SLC7A8: variants seen among roughly 807,000 people sequenced by gnomAD.
SLC7A8 encodes the protein large neutral amino acids transporter small subunit 2.
A neutral mutation model predicts 51.2 loss-of-function variants in SLC7A8; 30 were observed. The observed-to-expected ratio is 0.59, with a 90% CI of 0.44 to 0.80. The LOEUF (loss-of-function observed/expected upper bound fraction) is 0.80, where lower values mean the gene tolerates loss of function less well. Among genes scored for constraint, SLC7A8 ranks in the 30% least tolerant of loss-of-function variants. The pLI is 0.00. For synonymous variants in SLC7A8, 257 were observed against 275.8 expected (o/e 0.93, Z 0.67); for missense variants, 612 against 674.4 (o/e 0.91, Z 1.03).
At chr14:23,181,941 C>T (rs767567215) in intron 1 of SLC7A8, among the ~76,000 whole-genome samples, 2 of 152,252 alleles carry the variant, frequency 1.3e-5, no homozygotes, top group Admixed American at 6.5e-5. Flanking sequence ...GTGGCCTGCA[C>T]TGGCACTCTT....
chr14:23,154,117 A>G, intron 3 of SLC7A8: 1 of 343,560 alleles, frequency 2.9e-6, no homozygotes, highest in Non-Finnish European at 4.1e-6. Context: ...CAGTGACGCC[A>G]CTTTGTAGAA....
At chr14:23,154,533 T>C in intron 3 of SLC7A8, 1 of 961,768 alleles carries the variant, frequency 1.0e-6, no homozygotes, top group Non-Finnish European at 1.2e-6. Context: ...TTTCTAATTG[T>C]GGAAAAGCCG....
chr14:23,167,209 G>A (rs2048954656), intron 1 of SLC7A8, among the ~76,000 whole-genome samples: 1 of 152,196 alleles, frequency 6.6e-6, no homozygotes, highest in South Asian at 2.1e-4. Flanking sequence ...TGGTTTAGAA[G>A]TGGTGTGTAG....
chr14:23,130,745 GCT>G (rs1370710779), intron 8 of SLC7A8, among the ~76,000 whole-genome samples: 3 of 152,182 alleles, frequency 2.0e-5, no homozygotes, highest in Non-Finnish European at 4.4e-5. Context: ...GCTCCCAAGA[GCT>G]CTGTTATTCT....
At position 23,143,204 on chromosome 14, in the gene SLC7A8, A is replaced by C. The variant is rs751027340; in HGVS notation, c.509T>G (p.Leu170Trp). ...GGAACAGTTGACCCATGTGAGGAGC[A>C]CTGAAATGAAAGACCCCCAAACAGA... ...GLRLLAAICL[L>W]LLTWVNCSSV... Residue 170 changes from leucine (L) to tryptophan (W), a missense_variant and splice_region_variant, in exon 4 of 11, where the codon TTG (leucine) becomes TGG (tryptophan). Transcript: ENST00000316902. The C allele has an allele frequency of 3.1e-6, 5 of 1,614,044 alleles. No homozygotes were observed. The highest frequency in any genetic ancestry group is 4.2e-6 in the Non-Finnish European group (5 of 1,180,040).
chr14:23,143,542 A>G, intron 3 of SLC7A8, among the ~76,000 whole-genome samples: 1 of 152,226 alleles, frequency 6.6e-6, no homozygotes, highest in Non-Finnish European at 1.5e-5. Flanking sequence ...TATTTGTGCA[A>G]GAGAAGCTGT....
intron 3 of SLC7A8, among the ~76,000 whole-genome samples, chr14:23,144,532 T>TG (rs1201784467): frequency 6.6e-6 from 1 of 152,048 alleles, no homozygotes; most frequent in Non-Finnish European, 1.5e-5. Flanking sequence ...ATAAGCTGGG[T>TG]GGTGTGGTCG....
At chr14:23,156,901 G>C (rs1162929426) in intron 3 of SLC7A8, among the ~76,000 whole-genome samples, 1 of 152,220 alleles carries the variant, frequency 6.6e-6, no homozygotes, top group African/African-American at 2.4e-5. Context: ...GAGCAGAAGA[G>C]ACACTATGGG....
intron 1 of SLC7A8, among the ~76,000 whole-genome samples, chr14:23,169,706 C>G (rs911775686): frequency 3.9e-5 from 6 of 152,180 alleles, no homozygotes; most frequent in African/African-American, 1.4e-4. Context: ...TGCGCCTGGC[C>G]TACCATCTCC....
In SLC7A8 at chr14:23,165,304, G is replaced by A. The variant is rs2048943663; in HGVS notation, c.489C>T (p.Leu163=). The change falls in exon 3 of 11, where the codon CTC becomes CTT. Residue 163 remains leucine, a synonymous_variant. Transcript: ENST00000316902. The surrounding 1 kb of genome is among the most constrained non-coding windows in gnomAD (Gnocchi z 4.2). The part of the protein sequence containing the change: ...TCFPPESGLR[L]LAAICLLLLT... The stretch of plus-strand genomic sequence containing the variant: ...ACTTACATAAGCAGATGGCAGCCAG[G>A]AGCCGAAGGCCAGACTCTGGGGGGA... The A allele has an allele frequency of 6.2e-7, 1 of 1,609,650 alleles. No homozygotes were observed. The highest frequency in any genetic ancestry group is 8.5e-7 in the Non-Finnish European group (1 of 1,178,034).
intron 1 of SLC7A8, among the ~76,000 whole-genome samples, chr14:23,176,937 G>C (rs1876953757): frequency 9.4e-6 from 1 of 106,712 alleles, no homozygotes; most frequent in South Asian, 2.8e-4. Context: ...GCAAGACTCT[G>C]TCTCAAAAAA....
rs1485974334 is a variant in SLC7A8 at position 23,165,322 on chromosome 14, T to TG, written c.470dup (p.Glu158ArgfsTer67). On this transcript the variant is annotated frameshift_variant, in exon 3 of 11. Coordinates refer to ENST00000316902, the MANE Select transcript of SLC7A8 (RefSeq NM_012244.4). LOFTEE classifies it high-confidence loss of function. This position sits in a 1 kb window ranked among gnomAD's most constrained non-coding sequence, Gnocchi z 4.2. ...CAGCCAGGAGCCGAAGGCCAGACTCTGGGGGGAAGCAGGTGGGGAAGAGCG... is the reference window on the plus strand; with the variant it reads ...CAGCCAGGAGCCGAAGGCCAGACTCTGGGGGGGAAGCAGGTGGGGAAGAGCG... 6.2e-7 allele frequency: 1 copy of TG among 1,608,356 alleles called. No homozygotes were observed.
intron 1 of SLC7A8, among the ~76,000 whole-genome samples, chr14:23,178,754 A>G (rs924050301): frequency 4.7e-5 from 7 of 150,250 alleles, no homozygotes; most frequent in Non-Finnish European, 1.0e-4. Flanking sequence ...TCTCTAAAAA[A>G]AATTAAAAAT....
intron 3 of SLC7A8, among the ~76,000 whole-genome samples, chr14:23,147,596 T>G (rs2140319990): frequency 6.6e-6 from 1 of 152,106 alleles, no homozygotes; most frequent in South Asian, 2.1e-4. Context: ...GTTGCGGGAG[T>G]GGTTACTGCT....
intron 8 of SLC7A8, among the ~76,000 whole-genome samples, chr14:23,130,831 A>G (rs1024282867): frequency 6.6e-6 from 1 of 152,234 alleles, no homozygotes; most frequent in East Asian, 1.9e-4. Flanking sequence ...GAAAATAAAA[A>G]TAACTCAAAA....
intron 1 of SLC7A8, among the ~76,000 whole-genome samples, chr14:23,170,511 T>A (rs2048970383): frequency 6.6e-6 from 1 of 152,184 alleles, no homozygotes; most frequent in African/African-American, 2.4e-5. Flanking sequence ...CAGGCTGAAG[T>A]GCAGTGGTGC....
chr14:23,132,875 A>G (rs2048652135), intron 7 of SLC7A8, among the ~76,000 whole-genome samples: 1 of 151,820 alleles, frequency 6.6e-6, no homozygotes, highest in African/African-American at 2.4e-5. Flanking sequence ...ACCTCAGGTG[A>G]TCTGCCCGCC....
At chr14:23,145,008 C>T (rs1391065873) in intron 3 of SLC7A8, among the ~76,000 whole-genome samples, 1 of 150,764 alleles carries the variant, frequency 6.6e-6, no homozygotes, top group East Asian at 2.0e-4. Context: ...TCTCGGCTCA[C>T]TGCAAGCTCT....
At position 23,128,277 on chromosome 14, in the gene SLC7A8, T is replaced by C; in HGVS notation, c.1264-81A>G. 3 of 1,578,198 alleles carry C rather than the reference T, an allele frequency of 1.9e-6. No individual in the cohort carries two copies. The highest frequency in any genetic ancestry group is 1.3e-5 in the African/African-American group (1 of 74,402). On this transcript the variant is annotated intron_variant, in intron 9 of 10. Transcript: ENST00000316902. This position sits in a 1 kb window ranked among gnomAD's most constrained non-coding sequence, Gnocchi z 4.3. ...CTAGGGACTGGGGCATTCTCTCTCT[T>C]CTTCACCCACAGAGACACATCCTCA...
Sources: gnomAD v4.1 joint callset for allele counts (sites outside exome capture counted in the v4.1 genomes callset) on GRCh38, gnomAD v4.1.1 for gene constraint, Gnocchi (gnomAD v3.1) non-coding constraint, MANE v1.5 for transcripts, NCBI Gene and HGNC (gene_info 2026-07-23, HGNC 2026-07-21) for gene names.